Variants in VTI1A observed in about 807,000 individuals in gnomAD.
VTI1A encodes the protein vesicle transport through interaction with t-SNAREs homolog 1A.
VTI1A carries 22 observed loss-of-function variants against 34.9 expected under a neutral mutation model. The ratio of observed to expected loss-of-function variants is 0.63; its 90% CI spans 0.45 to 0.90. VTI1A has a LOEUF of 0.90. Among genes scored for constraint, VTI1A ranks in the 40% least tolerant of loss-of-function variants. The probability of loss-of-function intolerance (pLI) is 0.00; values close to 1 mark genes in which losing one functional copy is unlikely to be tolerated. For synonymous variants in VTI1A, 87 were observed against 97.3 expected (o/e 0.89, Z 0.62); for missense variants, 268 against 275.6 (o/e 0.97, Z 0.20).
intron 5 of VTI1A, among the ~76,000 whole-genome samples, chr10:112,543,095 C>G (rs150416725): frequency 0.041 from 6,188 of 152,182 alleles, 429 homozygotes; most frequent in African/African-American, 0.14. Flanking sequence ...CATTTGGGTT[C>G]GTTCCAAGTC....
chr10:112,743,849 T>A (rs1285177811), intron 7 of VTI1A, among the ~76,000 whole-genome samples: 1 of 152,234 alleles, frequency 6.6e-6, no homozygotes, highest in Non-Finnish European at 1.5e-5. Context: ...CATAATATAA[T>A]GAACACCTTT....
At chr10:112,809,600 T>G (rs1311000014) in intron 7 of VTI1A, among the ~76,000 whole-genome samples, 1 of 152,200 alleles carries the variant, frequency 6.6e-6, no homozygotes, top group Admixed American at 6.5e-5. Context: ...GCTGGCATCC[T>G]TAATGGGACA....
At chr10:112,642,629 A>G (rs966527688) in intron 5 of VTI1A, among the ~76,000 whole-genome samples, 6 of 145,900 alleles carry the variant, frequency 4.1e-5, no homozygotes, top group South Asian at 4.5e-4. Flanking sequence ...GTGTGTGTGT[A>G]TGTGCATGCT....
chr10:112,571,898 C>T (rs766813496), intron 5 of VTI1A, among the ~76,000 whole-genome samples: 8 of 152,092 alleles, frequency 5.3e-5, no homozygotes, highest in South Asian at 4.1e-4. Context: ...AACTAAATGC[C>T]ACATATTCTC....
intron 7 of VTI1A, among the ~76,000 whole-genome samples, chr10:112,802,965 A>G (rs1852928158): frequency 6.6e-6 from 1 of 152,192 alleles, no homozygotes; most frequent in African/African-American, 2.4e-5. Context: ...TGGTTTTAAG[A>G]AAAAAGCTAC....
At chr10:112,675,529 G>A (rs943090945) in intron 7 of VTI1A, among the ~76,000 whole-genome samples, 14 of 152,210 alleles carry the variant, frequency 9.2e-5, no homozygotes, top group Admixed American at 7.9e-4. Flanking sequence ...TGCCACAGGA[G>A]TCCCAAGTGA....
intron 7 of VTI1A, among the ~76,000 whole-genome samples, chr10:112,673,468 G>GCGCGCGCACACACA (rs1554938762): frequency 5.3e-5 from 8 of 151,668 alleles, no homozygotes; most frequent in African/African-American, 1.9e-4. Context: ...GCGTGCGCGC[G>GCGCGCGCACACACA]CACACACACA....
chr10:112,836,144 G>A, the VTI1A span, among the ~76,000 whole-genome samples: 15 of 152,190 alleles, frequency 9.9e-5, no homozygotes, highest in East Asian at 1.9e-4. Flanking sequence ...TCCAACAGCC[G>A]AGGCGGCAGT....
chr10:112,584,708 C>G (rs889070057), intron 5 of VTI1A, among the ~76,000 whole-genome samples: 1 of 152,210 alleles, frequency 6.6e-6, no homozygotes, highest in Non-Finnish European at 1.5e-5. Flanking sequence ...TAAGCATTTC[C>G]TCCTTTAATC....
chr10:112,787,448 CTCTT>C (rs1852321115), intron 7 of VTI1A, among the ~76,000 whole-genome samples: 1 of 152,054 alleles, frequency 6.6e-6, no homozygotes, highest in Admixed American at 6.6e-5. Flanking sequence ...GCTTAATTTG[CTCTT>C]TCTTAATGTG....
At chr10:112,796,089 A>T (rs1466120869) in intron 7 of VTI1A, among the ~76,000 whole-genome samples, 1 of 152,098 alleles carries the variant, frequency 6.6e-6, no homozygotes, top group African/African-American at 2.4e-5. Flanking sequence ...CCAAGAAGCC[A>T]ATATGGGGGA....
intron 7 of VTI1A, among the ~76,000 whole-genome samples, chr10:112,785,210 G>A (rs1852248580): frequency 6.6e-6 from 1 of 152,212 alleles, no homozygotes; most frequent in Non-Finnish European, 1.5e-5. Flanking sequence ...AGAGGTCCAT[G>A]AAGCCTGTAG....
intron 3 of VTI1A, among the ~76,000 whole-genome samples, chr10:112,519,515 G>A (rs1849932746): frequency 6.6e-6 from 1 of 152,116 alleles, no homozygotes. Flanking sequence ...TGTTTTTAGA[G>A]AAGGGTGACC....
At position 112,815,283 on chromosome 10, in the gene VTI1A, C is replaced by T. The variant is rs779142200; in HGVS notation, c.561-7C>T. On this transcript the variant is annotated splice_polypyrimidine_tract_variant and splice_region_variant and intron_variant, in intron 7 of 7. Coordinates refer to ENST00000393077, the MANE Select transcript of VTI1A (RefSeq NM_145206.4). ...GTGTGTGTTTTTTCTCCTTTGCTGT[C>T]TCCTAGAATCATCCAGAACCGCATC... The T allele has an allele frequency of 4.3e-6, 7 of 1,610,146 alleles. No homozygotes were observed. The South Asian group carries it at 6.6e-5, about 15-fold the overall frequency.
intron 7 of VTI1A, among the ~76,000 whole-genome samples, chr10:112,750,585 T>C (rs987835793): frequency 1.3e-5 from 2 of 152,146 alleles, no homozygotes; most frequent in African/African-American, 4.8e-5. Flanking sequence ...CAACTTAAGC[T>C]TTTGTGGGAG....
At chr10:112,469,672 T>C (rs1848013837) in intron 3 of VTI1A, among the ~76,000 whole-genome samples, 1 of 152,228 alleles carries the variant, frequency 6.6e-6, no homozygotes, top group South Asian at 2.1e-4. Context: ...CGCCTATGTT[T>C]GTTTGGAATT....
chr10:112,715,712 CA>C (rs1329215346), intron 7 of VTI1A, among the ~76,000 whole-genome samples: 8 of 152,198 alleles, frequency 5.3e-5, no homozygotes, highest in Admixed American at 4.6e-4. Context: ...TGATGACACA[CA>C]CCTGCTGAGT....
intron 5 of VTI1A, among the ~76,000 whole-genome samples, chr10:112,618,304 A>G (rs1845579356): frequency 6.6e-6 from 1 of 151,494 alleles, no homozygotes; most frequent in Non-Finnish European, 1.5e-5. Flanking sequence ...TGAGATAAGT[A>G]GCATTTAACA....
chr10:112,487,564 AT>A (rs1848685927), intron 3 of VTI1A, among the ~76,000 whole-genome samples: 1 of 152,112 alleles, frequency 6.6e-6, no homozygotes, highest in Non-Finnish European at 1.5e-5. Flanking sequence ...AATTGTCTTT[AT>A]TTGCTTGCTG....
Sources: gnomAD v4.1 joint callset for allele counts (sites outside exome capture counted in the v4.1 genomes callset) on GRCh38, gnomAD v4.1.1 for gene constraint, MANE v1.5 for transcripts, NCBI Gene and HGNC (gene_info 2026-07-23, HGNC 2026-07-21) for gene names.